ZNF516: variants seen among roughly 807,000 people sequenced by gnomAD.
ZNF516 encodes zinc finger protein 516.
In ZNF516, 19 loss-of-function variants were observed where a neutral mutation model predicts 79.7. That is an observed-to-expected ratio of 0.24 (90% CI 0.17 to 0.35). The LOEUF is 0.35. Ranked by LOEUF, ZNF516 falls within the 10% of genes least tolerant of loss-of-function variation. The pLI is 1.00. For synonymous variants in ZNF516, 877 were observed against 739.5 expected, an observed-to-expected ratio of 1.19 and a Z score of -3.02; for missense variants, 1,678 against 1,679.5, an observed-to-expected ratio of 1.00 and a Z score of 0.02.
chr18:76,447,301 TCCCGCCAAC>T (rs1045974917), intron 2 of ZNF516, among the ~76,000 whole-genome samples: 6 of 152,162 alleles, frequency 3.9e-5, no homozygotes, highest in Non-Finnish European at 8.8e-5. Context: ...GTGCTTTAAA[TCCCGCCAAC>T]CCCTGTAAGC....
intron 1 of ZNF516, among the ~76,000 whole-genome samples, 164 bp downstream of exon 1, chr18:76,494,980 G>A (rs1360997288): frequency 7.2e-6 from 1 of 138,742 alleles, no homozygotes; most frequent in Non-Finnish European, 1.6e-5. Context: ...AGCCCTCCCC[G>A]CGCCCGGGGG....
chr18:76,475,522 C>A (rs1568323705), intron 1 of ZNF516, among the ~76,000 whole-genome samples: 1 of 152,180 alleles, frequency 6.6e-6, no homozygotes, highest in Non-Finnish European at 1.5e-5. Flanking sequence ...CACAAGTGCA[C>A]AAACTCGTAT....
intron 6 of ZNF516, among the ~76,000 whole-genome samples, chr18:76,368,413 C>G (rs1351679282): frequency 1.3e-5 from 2 of 152,050 alleles, no homozygotes; most frequent in African/African-American, 2.4e-5. Context: ...AGGCCATGAG[C>G]TCAGATATGG....
At position 76,361,951 on chromosome 18, in the gene ZNF516, C is replaced by T. The variant is rs2074544437; in HGVS notation, c.*547G>A. On this transcript the variant is annotated 3_prime_UTR_variant, in exon 7 of 7. Transcript: ENST00000443185. ...CCTGAACGTCACCTCCTTCCTCTCT[C>T]TTATTTACTATTTTAAATACCCACT... is the stretch of plus-strand genomic sequence containing the variant. The T allele has an allele frequency of 6.6e-6, 1 of 152,364 alleles. No homozygotes were observed. The allele number at this position is 152,364 out of a possible 1,614,324, so 9.4% of individuals were successfully genotyped here.
chr18:76,368,875 T>C (rs2074659534), intron 6 of ZNF516, among the ~76,000 whole-genome samples: 1 of 152,210 alleles, frequency 6.6e-6, no homozygotes, highest in African/African-American at 2.4e-5. Context: ...ACAAGAGTTT[T>C]TCAAAGAGGC....
chr18:76,430,839 A>G (rs1245395538), intron 3 of ZNF516, among the ~76,000 whole-genome samples: 1 of 152,226 alleles, frequency 6.6e-6, no homozygotes, highest in Non-Finnish European at 1.5e-5. Context: ...CAGTTCGCCC[A>G]AATGTCTTAC....
At position 76,358,017 on chromosome 18, in the gene ZNF516, G is replaced by C. The variant is rs2074480660; in HGVS notation, c.*4481C>G. 6.6e-6 allele frequency among the ~76,000 whole-genome samples: 1 copy of C among 152,272 alleles called. No homozygotes were observed. Among genetic ancestry groups the C allele is most frequent in the East Asian group, 1.9e-4 (1 of 5,176 alleles). On this transcript the variant is annotated 3_prime_UTR_variant, in exon 7 of 7. Transcript: ENST00000443185. ...GGAAAAAAACCACTCGGGCCATCTG[G>C]GCATCTGTTCAGATGAACGATCTTG... is the stretch of plus-strand genomic sequence containing the variant.
chr18:76,465,905 C>T (rs946020661), intron 1 of ZNF516, among the ~76,000 whole-genome samples: 2 of 152,186 alleles, frequency 1.3e-5, no homozygotes, highest in Non-Finnish European at 2.9e-5. Context: ...GCAGCACAGG[C>T]TCCCAGATGG....
At chr18:76,399,524 T>C (rs923145621) in intron 3 of ZNF516, among the ~76,000 whole-genome samples, 3 of 152,246 alleles carry the variant, frequency 2.0e-5, no homozygotes, top group Non-Finnish European at 4.4e-5. Context: ...TGTAATGAGT[T>C]AGCAATTGAC....
rs1389348827 is a variant in ZNF516, at chr18:76,380,263, A to C, written c.1851T>G (p.Thr617=). Residue 617 remains threonine, a synonymous_variant, in exon 4 of 7, where the codon ACT becomes ACG. Coordinates refer to ENST00000443185, the MANE Select transcript of ZNF516 (RefSeq NM_014643.4). ...GGTCTCCACTGGAGAGCTCGGTCGAAGTCACCTCTTCGGAAAAGCAGCAGC... is the reference window on the plus strand; with the variant it reads ...GGTCTCCACTGGAGAGCTCGGTCGACGTCACCTCTTCGGAAAAGCAGCAGC... ...PRRCCFSEEV[T]STELSSGDQS... 6.2e-7 allele frequency: 1 copy of C among 1,613,842 alleles called. No homozygotes were observed. Among genetic ancestry groups the C allele is most frequent in the South Asian group, 1.1e-5 (1 of 91,074 alleles).
intron 2 of ZNF516, among the ~76,000 whole-genome samples, chr18:76,458,341 C>T (rs1409554263): frequency 1.3e-5 from 2 of 152,206 alleles, no homozygotes; most frequent in East Asian, 1.9e-4. Flanking sequence ...CAATTCCTGA[C>T]GGGCCCAAGT....
intron 1 of ZNF516, among the ~76,000 whole-genome samples, chr18:76,469,921 G>C (rs1450492416): frequency 9.9e-5 from 15 of 152,180 alleles, no homozygotes; most frequent in Non-Finnish European, 2.2e-4. Flanking sequence ...AAAATCATTT[G>C]AAATGCTTTA....
intron 1 of ZNF516, among the ~76,000 whole-genome samples, chr18:76,479,560 G>A (rs962284653): frequency 5.3e-5 from 8 of 152,188 alleles, no homozygotes; most frequent in Non-Finnish European, 8.8e-5. Context: ...ACGCACAGGC[G>A]TTCGTAACGG....
chr18:76,433,660 C>G (rs1216370401), intron 3 of ZNF516, among the ~76,000 whole-genome samples: 1 of 152,156 alleles, frequency 6.6e-6, no homozygotes, highest in Non-Finnish European at 1.5e-5. Flanking sequence ...GCATATGGAG[C>G]TGGGAGCCAC....
At chr18:76,495,347 C>G (rs1261400334), upstream of ZNF516, among the ~76,000 whole-genome samples, 2 of 144,846 alleles carry the variant, frequency 1.4e-5, no homozygotes, top group East Asian at 2.0e-4. Context: ...GCGCCCCGGA[C>G]GCGTCCGCCC....
At chr18:76,458,626 C>T (rs1252984778) in intron 2 of ZNF516, among the ~76,000 whole-genome samples, 2 of 132,840 alleles carry the variant, frequency 1.5e-5, no homozygotes, top group African/African-American at 2.9e-5. Flanking sequence ...GCCTCACCGT[C>T]GTGCGTGTGC....
At chr18:76,478,733 T>C (rs1914319846) in intron 1 of ZNF516, among the ~76,000 whole-genome samples, 2 of 152,260 alleles carry the variant, frequency 1.3e-5, no homozygotes, top group East Asian at 3.9e-4. Flanking sequence ...TTTATTAAAA[T>C]GCTTACATTT....
intron 2 of ZNF516, among the ~76,000 whole-genome samples, chr18:76,461,009 C>G (rs576780742): frequency 1.1e-4 from 16 of 152,204 alleles, no homozygotes; most frequent in African/African-American, 3.4e-4. Flanking sequence ...GAAACCTCAT[C>G]TCTACTAAAA....
intron 1 of ZNF516, among the ~76,000 whole-genome samples, chr18:76,470,789 C>T (rs985889305): frequency 6.6e-6 from 1 of 152,064 alleles, no homozygotes; most frequent in Non-Finnish European, 1.5e-5. Flanking sequence ...TCGAGGCGGG[C>T]GGATCACCAG....
Sources: allele counts gnomAD v4.1 joint callset (sites outside exome capture counted in the v4.1 genomes callset), GRCh38; gene constraint gnomAD v4.1.1; transcripts MANE v1.5; gene names NCBI Gene and HGNC (gene_info 2026-07-23, HGNC 2026-07-21).